Variants in ATAD3B observed in about 807,000 individuals in gnomAD.
ATAD3B encodes ATPase family AAA domain-containing protein 3B.
In ATAD3B, 59 loss-of-function variants were observed where a neutral mutation model predicts 70.2. The observed-to-expected ratio is 0.84, with a 90% CI of 0.68 to 1.04. ATAD3B has a LOEUF of 1.04. ATAD3B is among the 50% of genes least tolerant of loss of function. The pLI is 0.00. For missense variants in ATAD3B, 961 were observed against 913.4 expected (o/e 1.05, Z -0.67); for synonymous variants, 423 against 388.6 (o/e 1.09, Z -1.04).
At chr1:1,494,441 G>A (rs1329075749) in intron 15 of ATAD3B, among the ~76,000 whole-genome samples, 6 of 150,674 alleles carry the variant, frequency 4.0e-5, no homozygotes, top group Middle Eastern at 3.5e-3. Flanking sequence ...GTGCGGCTCC[G>A]GTCAGTGTCT....
rs1026143614 is a variant in ATAD3B at position 1,480,352 on chromosome 1, C to T, written c.445-515C>T. ...CAAGCCTCCTTGTCTCCCACCCGGG[C>T]GCCCAGCTGGCAGTCTGGGAGGTTC... On this transcript the variant is annotated intron_variant, in intron 4 of 15. Transcript: ENST00000673477. Among the ~76,000 whole-genome samples the T allele has an allele frequency of 6.8e-5, 10 of 146,382 alleles. 2 individuals are homozygous for T. Among genetic ancestry groups the T allele is most frequent in the Non-Finnish European group, 1.5e-4 (10 of 66,936 alleles).
At chr1:1,484,749 C>G in intron 7 of ATAD3B, 1 of 925,138 alleles carries the variant, frequency 1.1e-6, no homozygotes, top group Non-Finnish European at 1.5e-6. Flanking sequence ...CCCAGGGCCC[C>G]GCTCAGCGAC....
intron 11 of ATAD3B, among the ~76,000 whole-genome samples, chr1:1,487,542 G>A (rs1412045106): frequency 6.6e-6 from 1 of 151,852 alleles, no homozygotes; most frequent in Non-Finnish European, 1.5e-5. Flanking sequence ...ACTGCACTGG[G>A]TCGCTGTGTG....
chr1:1,485,226 G>T lies in ATAD3B; in HGVS notation c.906+55G>T, dbSNP rs1257351545. On this transcript the variant is annotated intron_variant, in intron 8 of 15. Transcript: ENST00000673477. Reference sequence around the variant, plus strand: ...TGCAGTTCCTGGCTGAGTCCCTTCTGCCCCACGAGCACAGCCCACGCACAC... The same window carrying T: ...TGCAGTTCCTGGCTGAGTCCCTTCTTCCCCACGAGCACAGCCCACGCACAC... 6 of 1,595,068 alleles carry T rather than the reference G, an allele frequency of 3.8e-6. No homozygotes were observed. In the African/African-American group the frequency reaches 8.0e-5, roughly 21 times the overall value.
intron 2 of ATAD3B, chr1:1,478,086 C>A (rs1639691434): frequency 1.0e-5 from 2 of 192,816 alleles, no homozygotes; most frequent in South Asian, 1.9e-4. Flanking sequence ...ACTGCAACCT[C>A]CACCTCCCGG....
downstream of ATAD3B, among the ~76,000 whole-genome samples, chr1:1,502,672 CG>C (rs964981145): frequency 3.2e-4 from 49 of 151,006 alleles, no homozygotes; most frequent in African/African-American, 1.2e-3. Context: ...CCGACATGCC[CG>C]GCTAATTTTT....
Position 1,486,109 on chromosome 1 carries a change from G to A in ATAD3B, c.964-1G>A, listed in dbSNP as rs1397980827. The A allele has an allele frequency of 6.2e-7, 1 of 1,612,978 alleles. No homozygotes were observed. On this transcript the variant is annotated splice_acceptor_variant, in intron 9 of 15. Coordinates refer to ENST00000673477, the MANE Select transcript of ATAD3B (RefSeq NM_031921.6). LOFTEE classifies it high-confidence loss of function. ...CCCCAAACCCCCGTCTTCCCCGGCAGCCCAGCCTGGAAGCACGGGTGCGCG... is the reference window on the plus strand; with the variant it reads ...CCCCAAACCCCCGTCTTCCCCGGCAACCCAGCCTGGAAGCACGGGTGCGCG...
chr1:1,474,200 TC>T (rs577121010), intron 1 of ATAD3B, among the ~76,000 whole-genome samples: 10 of 121,700 alleles, frequency 8.2e-5, no homozygotes, highest in Middle Eastern at 7.1e-3. Flanking sequence ...TTTCTTTTTT[TC>T]TTTTTTTTTT....
At chr1:1,493,668 C>G (rs1281502438) in intron 15 of ATAD3B, among the ~76,000 whole-genome samples, 1 of 151,622 alleles carries the variant, frequency 6.6e-6, no homozygotes, top group East Asian at 1.9e-4. Flanking sequence ...TTGTCAAATG[C>G]TTTTCCTGCA....
Position 1,482,297 on chromosome 1 carries a change from C to T in ATAD3B, c.674C>T (p.Ser225Phe), listed in dbSNP as rs762459652. 2 of 1,607,658 alleles carry T rather than the reference C, an allele frequency of 1.2e-6. No individual in the cohort carries two copies. The highest frequency in any genetic ancestry group is 1.7e-5 in the Admixed American group (1 of 59,602). Residue 225 changes from serine to phenylalanine, a missense_variant, in exon 6 of 16, where the codon TCC becomes TTC. Around this residue, in one of 4 missense-constraint regions of ATAD3B, gnomAD observed 349 missense variants for 307.5 expected, o/e 1.14. Coordinates refer to ENST00000673477, the MANE Select transcript of ATAD3B (RefSeq NM_031921.6). ...ASEHRQTVLESIRTAGTLFGE... is the reference protein window; with the variant it reads ...ASEHRQTVLEFIRTAGTLFGE... Reference sequence around the variant, plus strand: ...GAGCACCGTCAGACCGTCTTGGAGTCCATCAGGTGAGCACTGCCCAGGCCC... The same window carrying T: ...GAGCACCGTCAGACCGTCTTGGAGTTCATCAGGTGAGCACTGCCCAGGCCC...
intron 7 of ATAD3B, chr1:1,483,028 C>T (rs918113522): frequency 1.1e-5 from 5 of 456,778 alleles, no homozygotes; most frequent in Non-Finnish European, 4.4e-6. Context: ...GCGGTAGTGG[C>T]TCAGGCCTGT....
chr1:1,501,079 CT>C (rs1240979161), downstream of ATAD3B, among the ~76,000 whole-genome samples: 4 of 151,928 alleles, frequency 2.6e-5, no homozygotes, highest in Admixed American at 6.6e-5. Flanking sequence ...TATTAGGAAA[CT>C]TTATTAACTC....
At chr1:1,482,654 A>T in intron 7 of ATAD3B, 40 bp downstream of exon 7, 1 of 1,612,210 alleles carries the variant, frequency 6.2e-7, no homozygotes, top group African/African-American at 1.3e-5. Context: ...GGTGGCTGAG[A>T]GGCAGCATGT....
chr1:1,481,847 G>T (rs1002402261), intron 5 of ATAD3B, among the ~76,000 whole-genome samples: 1 of 152,180 alleles, frequency 6.6e-6, no homozygotes, highest in Non-Finnish European at 1.5e-5. Flanking sequence ...GCACGGGCCT[G>T]TCCATGGACT....
chr1:1,480,842 C>T (rs147329037), intron 4 of ATAD3B, 25 bp from the exon 5 acceptor site: 20,530 of 1,593,542 alleles, frequency 0.013, 2,085 homozygotes, highest in South Asian at 0.039. Context: ...AAAGGCTTTT[C>T]TCTTTTTCTG....
intron 15 of ATAD3B, among the ~76,000 whole-genome samples, chr1:1,494,488 C>T (rs182532226): frequency 0.02 from 3,066 of 151,428 alleles, 84 homozygotes; most frequent in African/African-American, 0.038. Context: ...AGTGGCGGTC[C>T]GGCTCTGGTC....
intron 4 of ATAD3B, among the ~76,000 whole-genome samples, chr1:1,479,393 T>C (rs1488617814): frequency 1.5e-4 from 20 of 131,534 alleles, no homozygotes; most frequent in South Asian, 2.6e-4. Context: ...CCTGCACACA[T>C]GGGCACACAC....
rs61777878 is a variant in ATAD3B at position 1,490,031 on chromosome 1, C to T, written c.1338-226C>T. 9.4e-6 allele frequency: 13 copies of T among 1,387,346 alleles called. No individual in the cohort carries two copies. In the East Asian group the frequency reaches 3.4e-4, roughly 36 times the overall value. 85.9% of individuals were successfully genotyped at this position (1,387,346 alleles called of 1,614,324 possible). On this transcript the variant is annotated intron_variant, in intron 13 of 15. Coordinates refer to ENST00000673477, the MANE Select transcript of ATAD3B (RefSeq NM_031921.6). ...GTCAGCGGGGAAGTACCACACAGGG[C>T]AAGAACAGAGGCCCGAGAAGCCGGG...
At chr1:1,501,834 G>C (rs1020211602), downstream of ATAD3B, among the ~76,000 whole-genome samples, 1 of 152,086 alleles carries the variant, frequency 6.6e-6, no homozygotes, top group African/African-American at 2.4e-5. Flanking sequence ...GTTGTCAGTG[G>C]CCTCCATGCC....
Sources: allele counts gnomAD v4.1 joint callset (sites outside exome capture counted in the v4.1 genomes callset), GRCh38; gene constraint gnomAD v4.1.1; regional missense constraint gnomAD v4.1.1; transcripts MANE v1.5; gene names NCBI Gene and HGNC (gene_info 2026-07-23, HGNC 2026-07-21).